Variants in PTER observed in about 807,000 individuals in gnomAD.
The protein encoded by PTER is phosphotriesterase related, also known as N-acetyltaurine hydrolase.
Under a neutral mutation model 29.6 loss-of-function variants are expected in PTER, and 38 were observed. The observed-to-expected ratio is 1.28, with a 90% CI of 0.99 to 1.68. The LOEUF is 1.68. Ranked by LOEUF, PTER falls within the 40% of genes most tolerant of loss-of-function variation. PTER has a pLI of 0.00. For missense variants in PTER, 482 were observed against 427.8 expected (o/e 1.13, Z -1.12); for synonymous variants, 172 against 154.5 (o/e 1.11, Z -0.84).
At chr10:16,490,154 A>G (rs905721731) in intron 3 of PTER, among the ~76,000 whole-genome samples, 2 of 152,188 alleles carry the variant, frequency 1.3e-5, no homozygotes, top group Non-Finnish European at 2.9e-5. Flanking sequence ...ACTTCCGCAG[A>G]ATCATCTATC....
downstream of PTER, chr10:16,514,761 T>A (rs1265876935): frequency 1.4e-6 from 2 of 1,384,554 alleles, no homozygotes; most frequent in Non-Finnish European, 2.0e-6. Flanking sequence ...TCAAGTTTTC[T>A]TTTTTGCCAT....
chr10:16,444,474 T>G (rs1333156005), intron 1 of PTER, among the ~76,000 whole-genome samples: 1 of 152,036 alleles, frequency 6.6e-6, no homozygotes, highest in Non-Finnish European at 1.5e-5. Flanking sequence ...CAGGGAACTT[T>G]ATTCTCGTGC....
At chr10:16,445,348 G>C (rs1588580998) in intron 1 of PTER, among the ~76,000 whole-genome samples, 2 of 152,294 alleles carry the variant, frequency 1.3e-5, no homozygotes, top group East Asian at 3.9e-4. Flanking sequence ...GGAGGCGAAG[G>C]TTGCAGTGAG....
At chr10:16,456,039 A>G (rs574008970) in intron 1 of PTER, among the ~76,000 whole-genome samples, 12 of 152,308 alleles carry the variant, frequency 7.9e-5, no homozygotes, top group African/African-American at 2.6e-4. Flanking sequence ...TCATCCCCGG[A>G]ATGCTGTGAT....
chr10:16,452,454 G>A (rs114685204), intron 1 of PTER, among the ~76,000 whole-genome samples: 11 of 151,306 alleles, frequency 7.3e-5, no homozygotes, highest in Admixed American at 4.6e-4. Context: ...GCATGACCAC[G>A]CTCAGCTCAG....
At chr10:16,516,771 CA>C (rs1836958134), downstream of PTER, among the ~76,000 whole-genome samples, 1 of 152,232 alleles carries the variant, frequency 6.6e-6, no homozygotes, top group Non-Finnish European at 1.5e-5. Flanking sequence ...GGCGTAACCA[CA>C]AATTCCTGCG....
chr10:16,456,866 G>GGGT (rs753699615), intron 1 of PTER, among the ~76,000 whole-genome samples: 1 of 149,298 alleles, frequency 6.7e-6, no homozygotes, highest in African/African-American at 2.5e-5. Context: ...GGAAGGTGGG[G>GGGT]GGGGGTTCCG....
chr10:16,480,308 G>C lies in PTER; in HGVS notation c.-48-4029G>C, dbSNP rs553298133. ...AGGTTCAAGCAATTCTCCTGCCTCA[G>C]CCTCCCGAGTAGCCTCCCGAGTGAT... On this transcript the variant is annotated intron_variant, in intron 1 of 4. Coordinates refer to ENST00000535784, the MANE Select transcript of PTER (RefSeq NM_001261836.2). Among the ~76,000 whole-genome samples the C allele has an allele frequency of 2.6e-5, 4 of 151,162 alleles. No homozygotes were observed. The East Asian group carries it at 7.9e-4, about 30-fold the overall frequency.
rs143115180 is a variant in PTER, at chr10:16,484,663, G to T, written c.279G>T (p.Gly93=). The change falls in exon 2 of 5, where the codon GGG becomes GGT. Residue 93 remains glycine, a synonymous_variant. Transcript: ENST00000535784. ...ELLYFKANGG[G]ALVENTTTGI... ...TGTATTTTAAAGCTAATGGTGGAGG[G>T]GCTTTGGTGGAAAACACAACCACTG... The T allele has an allele frequency of 1.9e-6, 3 of 1,614,118 alleles. No homozygotes were observed. The highest frequency in any genetic ancestry group is 2.5e-6 in the Non-Finnish European group (3 of 1,180,018).
At chr10:16,475,682 A>G (rs1368763747) in intron 1 of PTER, among the ~76,000 whole-genome samples, 1 of 152,214 alleles carries the variant, frequency 6.6e-6, no homozygotes, top group East Asian at 1.9e-4. Flanking sequence ...TGTAGGAAGC[A>G]CATTCATCGA....
intron 1 of PTER, among the ~76,000 whole-genome samples, chr10:16,461,777 C>A (rs1227415386): frequency 6.6e-6 from 1 of 152,146 alleles, no homozygotes; most frequent in African/African-American, 2.4e-5. Flanking sequence ...TTTTTGTAAT[C>A]ATCAAACCAT....
intron 1 of PTER, among the ~76,000 whole-genome samples, chr10:16,460,369 TA>T (rs1047254407): frequency 2.6e-5 from 4 of 152,228 alleles, no homozygotes; most frequent in African/African-American, 9.6e-5. Flanking sequence ...GACTGGGTTC[TA>T]GTTTAGGCTA....
intron 4 of PTER, among the ~76,000 whole-genome samples, chr10:16,508,810 T>A (rs898440461): frequency 8.5e-5 from 13 of 152,198 alleles, no homozygotes; most frequent in African/African-American, 3.1e-4. Context: ...AAGCACTGAA[T>A]GCCCTTTTGG....
intron 3 of PTER, among the ~76,000 whole-genome samples, chr10:16,501,493 T>G (rs1836348833): frequency 6.6e-6 from 1 of 152,188 alleles, no homozygotes; most frequent in African/African-American, 2.4e-5. Flanking sequence ...TTAATCCTGC[T>G]TACTATATAT....
At chr10:16,496,663 G>A (rs1277686954) in intron 3 of PTER, among the ~76,000 whole-genome samples, 1 of 152,102 alleles carries the variant, frequency 6.6e-6, no homozygotes, top group Non-Finnish European at 1.5e-5. Context: ...GGTAAATTCT[G>A]TATAGCAAGT....
At chr10:16,494,257 G>A (rs538349291) in intron 3 of PTER, among the ~76,000 whole-genome samples, 9 of 152,100 alleles carry the variant, frequency 5.9e-5, no homozygotes, top group Non-Finnish European at 1.3e-4. Context: ...TTTGTAATTC[G>A]GAGCCAACTT....
intron 3 of PTER, among the ~76,000 whole-genome samples, chr10:16,490,711 A>AGT (rs1835868960): frequency 6.7e-6 from 1 of 148,808 alleles, no homozygotes; most frequent in African/African-American, 2.5e-5. Flanking sequence ...AGTCTGCCAT[A>AGT]CTGCTTGAAA....
chr10:16,494,052 C>G (rs1383862724), intron 3 of PTER, among the ~76,000 whole-genome samples: 1 of 152,032 alleles, frequency 6.6e-6, no homozygotes, highest in Non-Finnish European at 1.5e-5. Context: ...GACATTTTAA[C>G]AAATAGGATT....
intron 3 of PTER, among the ~76,000 whole-genome samples, chr10:16,498,774 A>G (rs577775776): frequency 6.6e-6 from 1 of 152,312 alleles, no homozygotes; most frequent in East Asian, 1.9e-4. Flanking sequence ...CCATGGTAAT[A>G]TACTGACATT....
Sources: gnomAD v4.1 joint callset for allele counts (sites outside exome capture counted in the v4.1 genomes callset) on GRCh38, gnomAD v4.1.1 for gene constraint, MANE v1.5 for transcripts, NCBI Gene and HGNC (gene_info 2026-07-23, HGNC 2026-07-21) for gene names.